The following ABCG2 variants were observed in gnomAD, a reference collection of about 807,000 sequenced individuals.
ABCG2 encodes ATP binding cassette subfamily G member 2 (JR blood group).
A neutral mutation model predicts 73.5 loss-of-function variants in ABCG2; 80 were observed. The ratio of observed to expected loss-of-function variants is 1.09; its 90% CI spans 0.91 to 1.31. ABCG2 has a LOEUF of 1.31. ABCG2 is among the 50% of genes most tolerant of loss of function. ABCG2 has a pLI of 0.00. For synonymous variants in ABCG2, 269 were observed against 282.4 expected (o/e 0.95, Z 0.48); for missense variants, 796 against 786.2 (o/e 1.01, Z -0.15).
chr4:88,104,533 G>A lies in ABCG2; in HGVS notation c.1277+2651C>T, dbSNP rs983715802. Among the ~76,000 whole-genome samples the A allele has an allele frequency of 2.6e-5, 4 of 152,194 alleles. No individual in the cohort carries two copies. The East Asian group carries it at 7.7e-4, about 29-fold the overall frequency. On this transcript the variant is annotated intron_variant, in intron 10 of 15. Coordinates refer to ENST00000237612, the MANE Select transcript of ABCG2 (RefSeq NM_004827.3). ...AGAAGCAGTGGGAGGAAGAACATCA[G>A]GAAAAATAGCTAATGCATACTGGGC... is the stretch of plus-strand genomic sequence containing the variant.
intron 1 of ABCG2, among the ~76,000 whole-genome samples, chr4:88,154,795 A>G (rs1452155189): frequency 6.6e-6 from 1 of 152,144 alleles, no homozygotes; most frequent in African/African-American, 2.4e-5. Context: ...CAGAAAGTAT[A>G]TGTGTCAGGT....
intron 9 of ABCG2, among the ~76,000 whole-genome samples, chr4:88,112,892 T>C (rs1386613778): frequency 6.6e-6 from 1 of 152,126 alleles, no homozygotes; most frequent in African/African-American, 2.4e-5. Context: ...GGAGAATCGC[T>C]TGAACCCACG....
chr4:88,157,651 T>C (rs1727035854), intron 1 of ABCG2, among the ~76,000 whole-genome samples: 1 of 152,248 alleles, frequency 6.6e-6, no homozygotes, highest in Non-Finnish European at 1.5e-5. Flanking sequence ...GCCATCTTTG[T>C]CGTTGAAACC....
intron 1 of ABCG2, among the ~76,000 whole-genome samples, chr4:88,143,186 T>C (rs1485851980): frequency 6.6e-6 from 1 of 152,188 alleles, no homozygotes; most frequent in East Asian, 1.9e-4. Context: ...ATATGTGGAT[T>C]TGGGTGTCTG....
Position 88,112,509 on chromosome 4 carries a change from GCTAT to G in ABCG2, c.1194+790_1194+793del, listed in dbSNP as rs540783653. ...CATAGTTTCTTCTACCATCTAACATGCTATCTATTTAATTTCTTTATTATTTATC... is the reference window on the plus strand; with the variant it reads ...CATAGTTTCTTCTACCATCTAACATGCTATTTAATTTCTTTATTATTTATC... On this transcript the variant is annotated intron_variant, in intron 9 of 15. Coordinates refer to ENST00000237612, the MANE Select transcript of ABCG2 (RefSeq NM_004827.3). Among the ~76,000 whole-genome samples the G allele has an allele frequency of 1.1e-3, 164 of 151,828 alleles. 3 individuals are homozygous for G. The South Asian group carries it at 0.033, about 30-fold the overall frequency.
At chr4:88,196,856 G>C (rs1728955339) in intron 1 of ABCG2, among the ~76,000 whole-genome samples, 1 of 150,852 alleles carries the variant, frequency 6.6e-6, no homozygotes, top group South Asian at 2.1e-4. Flanking sequence ...AAATACACCA[G>C]AACATTCTGT....
At chr4:88,155,316 G>A (rs1171077491) in intron 1 of ABCG2, among the ~76,000 whole-genome samples, 2 of 152,304 alleles carry the variant, frequency 1.3e-5, no homozygotes, top group South Asian at 2.1e-4. Flanking sequence ...GAGAGCACGT[G>A]TGTTTTTATG....
intron 1 of ABCG2, among the ~76,000 whole-genome samples, chr4:88,225,689 T>C (rs1275663096): frequency 6.6e-6 from 1 of 152,150 alleles, no homozygotes; most frequent in Non-Finnish European, 1.5e-5. Flanking sequence ...CCTGATGGGA[T>C]CTCTGCTCAG....
At chr4:88,112,109 A>G (rs1723173613) in intron 9 of ABCG2, among the ~76,000 whole-genome samples, 1 of 151,950 alleles carries the variant, frequency 6.6e-6, no homozygotes, top group Admixed American at 6.6e-5. Flanking sequence ...ATGTGTAAAG[A>G]AAAGAATAAC....
At chr4:88,106,280 G>A (rs1287270151) in intron 10 of ABCG2, among the ~76,000 whole-genome samples, 1 of 152,124 alleles carries the variant, frequency 6.6e-6, no homozygotes, top group African/African-American at 2.4e-5. Context: ...TGGGACTACA[G>A]ACACATGCCA....
At chr4:88,187,798 TAAG>T (rs895123070) in intron 1 of ABCG2, among the ~76,000 whole-genome samples, 2 of 152,180 alleles carry the variant, frequency 1.3e-5, no homozygotes, top group Non-Finnish European at 2.9e-5. Context: ...CAATTTGTAC[TAAG>T]AAGAGTGAAT....
chr4:88,221,152 C>T (rs1208649848), intron 1 of ABCG2, among the ~76,000 whole-genome samples: 1 of 152,048 alleles, frequency 6.6e-6, no homozygotes, highest in African/African-American at 2.4e-5. Context: ...ACCTGTAATC[C>T]CAGCTACTAG....
Position 88,092,350 on chromosome 4 carries a change from C to A in ABCG2, c.1852G>T (p.Gly618Cys). The A allele has an allele frequency of 6.2e-7, 1 of 1,612,042 alleles. No individual in the cohort carries two copies. Among genetic ancestry groups the A allele is most frequent in the East Asian group, 2.2e-5 (1 of 44,850 alleles). ...AAGCCCCAGGGTGAGAGATCGATGC[C>A]CTGCTTTACCAAATATTCTTCGCCA... ...CTGEEYLVKQ[G>C]IDLSPWGLWK... The change falls in exon 16 of 16, where the codon GGC becomes TGC. Residue 618 changes from glycine to cysteine, a missense_variant. By Grantham distance (159) the Gly-to-Cys change is radical. Coordinates refer to ENST00000237612, the MANE Select transcript of ABCG2 (RefSeq NM_004827.3).
chr4:88,171,494 A>T (rs192831132), intron 1 of ABCG2, among the ~76,000 whole-genome samples: 3 of 38,636 alleles, frequency 7.8e-5, no homozygotes, highest in Non-Finnish European at 1.6e-4. Context: ...GCTAGAGATG[A>T]CTTCAAGGTC....
At chr4:88,108,076 C>G (rs1329128994) in intron 9 of ABCG2, among the ~76,000 whole-genome samples, 2 of 152,186 alleles carry the variant, frequency 1.3e-5, no homozygotes, top group African/African-American at 4.8e-5. Context: ...TTCTATAGCT[C>G]CTAAGGAGAC....
rs746680651 is a variant in ABCG2 at position 88,230,308 on chromosome 4, T to TATATATATATATATATATA, written c.-20+685_-20+686insTATATATATATATATATAT. Reference sequence around the variant, plus strand: ...CGCACCTGTTATATATATATATATATTTTTTTTTTTGGCCACATATATATA... The same window carrying TATATATATATATATATATA: ...CGCACCTGTTATATATATATATATATATATATATATATATATATATTTTTTTTTTGGCCACATATATATA... On this transcript the variant is annotated intron_variant, in intron 1 of 15. Coordinates refer to the ABCG2 transcript ENST00000515655. 8.4e-3 allele frequency among the ~76,000 whole-genome samples: 810 copies of TATATATATATATATATATA among 96,092 alleles called. 63 individuals carry two copies. The highest frequency in any genetic ancestry group is 0.019 in the Middle Eastern group (3 of 158). 63.0% of individuals were successfully genotyped at this position (96,092 alleles called of 152,430 possible). A position where few individuals can be genotyped will look rare whatever the true frequency, so the allele number is the denominator to read the frequency against.
chr4:88,150,598 C>T (rs1461498733), intron 1 of ABCG2, among the ~76,000 whole-genome samples: 2 of 152,162 alleles, frequency 1.3e-5, no homozygotes, highest in Non-Finnish European at 2.9e-5. Flanking sequence ...CTGGGCCACA[C>T]TGGAAGAAGA....
At chr4:88,211,260 T>C (rs972558855) in intron 1 of ABCG2, among the ~76,000 whole-genome samples, 4 of 151,492 alleles carry the variant, frequency 2.6e-5, no homozygotes, top group Middle Eastern at 3.2e-3. Context: ...TGCTTGTTTG[T>C]TACATAAGCA....
At chr4:88,208,693 T>C (rs1006201605) in intron 1 of ABCG2, among the ~76,000 whole-genome samples, 5 of 152,214 alleles carry the variant, frequency 3.3e-5, no homozygotes, top group African/African-American at 1.2e-4. Context: ...TTTTTCTGCA[T>C]ACCAAGGTAC....
Sources: allele counts gnomAD v4.1 joint callset (sites outside exome capture counted in the v4.1 genomes callset), GRCh38; gene constraint gnomAD v4.1.1; transcripts MANE v1.5; gene names NCBI Gene and HGNC (gene_info 2026-07-23, HGNC 2026-07-21).